GADL1: variants seen among roughly 807,000 people sequenced by gnomAD.
GADL1 encodes acidic amino acid decarboxylase GADL1.
In GADL1, 71 loss-of-function variants were observed where a neutral mutation model predicts 69.5. The observed-to-expected ratio is 1.02, with a 90% CI of 0.84 to 1.25. The LOEUF (loss-of-function observed/expected upper bound fraction) is 1.25. GADL1 is among the 50% of genes most tolerant of loss of function. The probability of loss-of-function intolerance (pLI) is 0.00; values close to 1 mark genes in which losing one functional copy is unlikely to be tolerated. For missense variants in GADL1, 737 were observed against 631.8 expected (o/e 1.17, Z -1.79); for synonymous variants, 254 against 214.4 (o/e 1.18, Z -1.62).
chr3:30,734,741 G>C (rs2125470059), intron 14 of GADL1, among the ~76,000 whole-genome samples: 1 of 152,168 alleles, frequency 6.6e-6, no homozygotes, highest in East Asian at 1.9e-4. Context: ...AAATATGTCT[G>C]AGTAATTTGT....
chr3:30,768,065 A>G (rs80315703), intron 14 of GADL1, among the ~76,000 whole-genome samples: 1 of 143,900 alleles, frequency 6.9e-6, no homozygotes, highest in Admixed American at 7.6e-5. Context: ...TATAACACCC[A>G]ATGTTAGTTA....
chr3:30,754,938 T>G (rs1156242254), intron 14 of GADL1, among the ~76,000 whole-genome samples: 1 of 152,078 alleles, frequency 6.6e-6, no homozygotes, highest in African/African-American at 2.4e-5. Context: ...GGTCAAATAT[T>G]GAAAAACCAA....
chr3:30,783,045 G>A (rs997870857), intron 13 of GADL1, among the ~76,000 whole-genome samples: 2 of 152,126 alleles, frequency 1.3e-5, no homozygotes, highest in Non-Finnish European at 2.9e-5. Context: ...GAATGAACTA[G>A]TGAATTCTCT....
In GADL1 at chr3:30,727,535, A is replaced by T. The variant is rs1342899500; in HGVS notation, c.*707T>A. The T allele has an allele frequency of 7.2e-5, 11 of 151,958 alleles. No individual in the cohort carries two copies. The highest frequency in any genetic ancestry group is 2.7e-4 in the African/African-American group (11 of 41,394). 9.4% of individuals were successfully genotyped at this position (151,958 alleles called of 1,614,324 possible). On this transcript the variant is annotated 3_prime_UTR_variant, in exon 15 of 15. Coordinates refer to ENST00000282538, the MANE Select transcript of GADL1 (RefSeq NM_207359.3). ...TCTCTATGAAGTAAACATCTTATACAGTTTCTCTCTTTAAAAATAGCTTTG... is the reference window on the plus strand; with the variant it reads ...TCTCTATGAAGTAAACATCTTATACTGTTTCTCTCTTTAAAAATAGCTTTG...
intron 4 of GADL1, among the ~76,000 whole-genome samples, chr3:30,853,177 C>T (rs1413341682): frequency 1.3e-5 from 2 of 152,032 alleles, no homozygotes; most frequent in Admixed American, 6.6e-5. Context: ...AGTATTGAGC[C>T]GCCTTCTCTC....
intron 1 of GADL1, among the ~76,000 whole-genome samples, chr3:30,880,849 T>A (rs1286565605): frequency 3.3e-5 from 5 of 151,884 alleles, no homozygotes; most frequent in Non-Finnish European, 7.4e-5. Flanking sequence ...AATTGATGAA[T>A]GTTGTGGAAT....
At chr3:30,763,529 A>T (rs1696193267) in intron 14 of GADL1, among the ~76,000 whole-genome samples, 1 of 146,128 alleles carries the variant, frequency 6.8e-6, no homozygotes, top group Admixed American at 6.7e-5. Context: ...GTGGGGGGGA[A>T]TATTGTAAGT....
chr3:30,861,063 A>G (rs1352131288), intron 2 of GADL1, among the ~76,000 whole-genome samples: 1 of 152,042 alleles, frequency 6.6e-6, no homozygotes, highest in African/African-American at 2.4e-5. Flanking sequence ...TTTGAAATCT[A>G]CAACCAATAA....
chr3:30,756,558 C>G (rs1281621823), intron 14 of GADL1, among the ~76,000 whole-genome samples: 1 of 151,966 alleles, frequency 6.6e-6, no homozygotes, highest in South Asian at 2.1e-4. Context: ...TGCTTTGGTT[C>G]ATAGAAAACA....
At chr3:30,747,838 AACTG>A (rs1296847559) in intron 14 of GADL1, among the ~76,000 whole-genome samples, 1 of 152,122 alleles carries the variant, frequency 6.6e-6, no homozygotes, top group African/African-American at 2.4e-5. Context: ...CCTGTGGTTT[AACTG>A]ACTGCCTTTG....
intron 11 of GADL1, among the ~76,000 whole-genome samples, chr3:30,823,802 T>C (rs1338125496): frequency 1.3e-5 from 2 of 151,880 alleles, no homozygotes; most frequent in African/African-American, 4.8e-5. Context: ...GATGACAGTA[T>C]GTAGGTAAAA....
chr3:30,867,423 C>CATATATATATATATATACACATATATGT (rs1463441567), intron 1 of GADL1, among the ~76,000 whole-genome samples: 1 of 115,056 alleles, frequency 8.7e-6, no homozygotes, highest in African/African-American at 2.8e-5. Context: ...TACAATACTA[C>CATATATATATATATATACACATATATGT]ATATATATAT....
At chr3:30,806,511 AAT>A (rs1427925170) in intron 11 of GADL1, among the ~76,000 whole-genome samples, 27 of 152,210 alleles carry the variant, frequency 1.8e-4, no homozygotes, top group Admixed American at 1.6e-3. Context: ...TGGGTACCTT[AAT>A]ATAGGCTGAA....
In GADL1 at chr3:30,857,088, C is replaced by T. The variant is rs1176894742; in HGVS notation, c.264G>A (p.Met88Ile). The T allele has an allele frequency of 1.5e-5, 24 of 1,549,896 alleles. No individual in the cohort carries two copies. Among genetic ancestry groups the T allele is most frequent in the Non-Finnish European group, 2.0e-5 (23 of 1,145,702 alleles). Residue 88 changes from methionine to isoleucine, a missense_variant, in exon 3 of 15, where the codon ATG (methionine) becomes ATA (isoleucine). Transcript: ENST00000282538. The stretch of plus-strand genomic sequence containing the variant: ...TATGGGGTGGCTCGCCTGAGTCTCT[C>T]ATCTCCAAATCAAGAAGCTGTTTCA... ...EQLKQLLDLE[M>I]RDSGEPPHKL... is the part of the protein sequence containing the mutation.
At chr3:30,754,386 C>T (rs987120980) in intron 14 of GADL1, among the ~76,000 whole-genome samples, 4 of 152,066 alleles carry the variant, frequency 2.6e-5, no homozygotes, top group African/African-American at 9.7e-5. Flanking sequence ...GTTGGGGCTA[C>T]ATTCTGATAG....
At chr3:30,851,295 T>C (rs571003711) in intron 4 of GADL1, among the ~76,000 whole-genome samples, 3 of 152,272 alleles carry the variant, frequency 2.0e-5, no homozygotes, top group East Asian at 1.9e-4. Context: ...TTGGATGCTG[T>C]TGATGGTCAA....
chr3:30,850,623 AG>A (rs1264518004), intron 5 of GADL1, among the ~76,000 whole-genome samples: 1 of 152,178 alleles, frequency 6.6e-6, no homozygotes. Context: ...CCTAAACTGT[AG>A]GCACCTCATT....
At chr3:30,745,022 T>C (rs767794598) in intron 14 of GADL1, among the ~76,000 whole-genome samples, 1 of 152,226 alleles carries the variant, frequency 6.6e-6, no homozygotes, top group Non-Finnish European at 1.5e-5. Context: ...CCAGGAGCCA[T>C]TGAAGAACAT....
At chr3:30,749,777 C>T (rs962067325) in intron 14 of GADL1, among the ~76,000 whole-genome samples, 3 of 152,176 alleles carry the variant, frequency 2.0e-5, no homozygotes, top group African/African-American at 7.2e-5. Context: ...GAACAGCTGA[C>T]ACGAGCTCCC....
Sources: allele counts gnomAD v4.1 joint callset (sites outside exome capture counted in the v4.1 genomes callset), GRCh38; gene constraint gnomAD v4.1.1; transcripts MANE v1.5; gene names NCBI Gene and HGNC (gene_info 2026-07-23, HGNC 2026-07-21).